The following POLR1E variants were observed in gnomAD, a reference collection of about 807,000 sequenced individuals.
POLR1E encodes the protein DNA-directed RNA polymerase I subunit RPA49.
POLR1E carries 37 observed loss-of-function variants against 50.9 expected under a neutral mutation model. That is an observed-to-expected ratio of 0.73 (90% CI 0.56 to 0.96). The LOEUF (loss-of-function observed/expected upper bound fraction) is 0.96, where lower values mean the gene tolerates loss of function less well. POLR1E is among the 40% of genes least tolerant of loss of function. The probability of loss-of-function intolerance (pLI) is 0.00; values close to 1 mark genes in which losing one functional copy is unlikely to be tolerated. For synonymous variants in POLR1E, 166 were observed against 191.6 expected (o/e 0.87, Z 1.10); for missense variants, 426 against 518.1 (o/e 0.82, Z 1.73).
chr9:37,495,921 G>A lies in POLR1E; in HGVS notation c.687G>A (p.Gln229=), dbSNP rs776072238. The change falls in exon 8 of 12, where the codon CAG becomes CAA. Residue 229 remains glutamine, a synonymous_variant. Coordinates refer to ENST00000377798, the MANE Select transcript of POLR1E (RefSeq NM_022490.4). ...LLSPAEYEAL[Q]SPSEAFRNVT... ...CCCCTGCGGAGTATGAAGCTCTTCA[G>A]AGCCCATCTGAAGCTTTCAGGAACG... is the stretch of plus-strand genomic sequence containing the variant. 6.2e-7 allele frequency: 1 copy of A among 1,614,038 alleles called. No individual in the cohort carries two copies. Among genetic ancestry groups the A allele is most frequent in the Non-Finnish European group, 8.5e-7 (1 of 1,179,926 alleles).
At chr9:37,490,964 G>C in intron 4 of POLR1E, 1 of 308,518 alleles carries the variant, frequency 3.2e-6, no homozygotes, top group Non-Finnish European at 6.2e-6. Flanking sequence ...TGTTATAGTT[G>C]GGGTAAAGAG....
chr9:37,500,469 G>A (rs1325700203), intron 9 of POLR1E, among the ~76,000 whole-genome samples: 2 of 152,210 alleles, frequency 1.3e-5, no homozygotes, highest in Non-Finnish European at 2.9e-5. Flanking sequence ...ACAGGCGTGA[G>A]CCACCGCGCC....
At chr9:37,489,560 A>G (rs1820643503) in intron 4 of POLR1E, among the ~76,000 whole-genome samples, 160 bp downstream of exon 4, 1 of 151,986 alleles carries the variant, frequency 6.6e-6, no homozygotes, top group African/African-American at 2.4e-5. Context: ...GGTTTTTTAT[A>G]TACACACTGT....
chr9:37,490,191 G>A (rs1469645077), intron 4 of POLR1E, among the ~76,000 whole-genome samples: 4 of 151,844 alleles, frequency 2.6e-5, no homozygotes, highest in African/African-American at 4.8e-5. Flanking sequence ...TATTTCATAC[G>A]TAATACCTGG....
intron 4 of POLR1E, chr9:37,492,197 T>A: frequency 8.3e-7 from 1 of 1,210,446 alleles, no homozygotes; most frequent in South Asian, 1.3e-5. Context: ...GTGTACTAAG[T>A]TATACTGCCC....
intron 9 of POLR1E, 145 bp downstream of exon 9, chr9:37,498,369 G>A: frequency 3.2e-6 from 3 of 940,010 alleles, no homozygotes; most frequent in Non-Finnish European, 4.6e-6. Flanking sequence ...TGGTACTGCT[G>A]ACATGTCGAG....
intron 4 of POLR1E, chr9:37,492,314 G>C (rs1375388232): frequency 1.5e-6 from 2 of 1,302,110 alleles, no homozygotes; most frequent in East Asian, 1.1e-4. Context: ...TTATTTTCTG[G>C]AAAGAGCCAA....
chr9:37,492,744 C>T (rs1820708042), intron 5 of POLR1E, 29 bp downstream of exon 5: 29 of 1,603,114 alleles, frequency 1.8e-5, no homozygotes, highest in Non-Finnish European at 2.4e-5. Flanking sequence ...AGATGTGGGA[C>T]CTTAAGCAAG....
intron 6 of POLR1E, 21 bp downstream of exon 6, chr9:37,493,724 C>G (rs1004862572): frequency 1.3e-6 from 2 of 1,487,216 alleles, no homozygotes; most frequent in African/African-American, 2.8e-5. Flanking sequence ...GGAACTTGGG[C>G]TAAGAGTCTG....
intron 7 of POLR1E, 42 bp from the exon 8 acceptor site, chr9:37,495,848 T>G: frequency 7.1e-7 from 1 of 1,402,180 alleles, no homozygotes; most frequent in Non-Finnish European, 1.0e-6. Flanking sequence ...GCTAGTTGGA[T>G]GTTTCTATTT....
At chr9:37,486,842 A>C in intron 2 of POLR1E, 36 bp downstream of exon 2, 1 of 1,573,084 alleles carries the variant, frequency 6.4e-7, no homozygotes, top group Non-Finnish European at 8.6e-7. Flanking sequence ...TCCACTCTGC[A>C]GGGCTCAGAA....
intron 7 of POLR1E, 108 bp from the exon 8 acceptor site, chr9:37,495,782 T>C (rs2119010140): frequency 1.3e-6 from 1 of 773,320 alleles, no homozygotes; most frequent in Non-Finnish European, 2.3e-6. Flanking sequence ...GTGTGATCTT[T>C]GGCTCTCTGA....
In POLR1E at chr9:37,500,873, A is replaced by T. The variant is rs763142273; in HGVS notation, c.920A>T (p.Asn307Ile). ...ALGPGVPHII[N>I]TKLLKHFTCL... ...GGACCTGGAGTTCCCCACATCATCA[A>T]CACCAAACTGCTGAAGCACTTTACT... is the stretch of plus-strand genomic sequence containing the variant. The change falls in exon 10 of 12, where the codon AAC (asparagine) becomes ATC (isoleucine). Residue 307 changes from asparagine (N) to isoleucine (I), a missense_variant. Coordinates refer to ENST00000377798, the MANE Select transcript of POLR1E (RefSeq NM_022490.4). The T allele has an allele frequency of 1.9e-6, 3 of 1,614,032 alleles. No homozygotes were observed. The highest frequency in any genetic ancestry group is 2.5e-6 in the Non-Finnish European group (3 of 1,179,920).
chr9:37,489,984 G>GT (rs1820651179), intron 4 of POLR1E, among the ~76,000 whole-genome samples: 12 of 152,012 alleles, frequency 7.9e-5, no homozygotes, highest in Admixed American at 7.2e-4. Context: ...TCCCCATAGT[G>GT]TTTAGAGACT....
At chr9:37,494,477 A>G (rs1367739089) in intron 6 of POLR1E, among the ~76,000 whole-genome samples, 1 of 152,190 alleles carries the variant, frequency 6.6e-6, no homozygotes, top group Non-Finnish European at 1.5e-5. Context: ...TTGCTCTATC[A>G]CCCAGACTAG....
intron 10 of POLR1E, among the ~76,000 whole-genome samples, chr9:37,501,186 A>C (rs1226534459): frequency 1.3e-5 from 2 of 152,202 alleles, no homozygotes; most frequent in African/African-American, 4.8e-5. Context: ...TACTTCACAT[A>C]CTTTTGAATA....
intron 3 of POLR1E, among the ~76,000 whole-genome samples, chr9:37,489,009 G>A (rs1468912528): frequency 2.0e-5 from 3 of 152,046 alleles, no homozygotes; most frequent in Non-Finnish European, 4.4e-5. Context: ...GAGGCTGATA[G>A]GGTCAGATCA....
intron 1 of POLR1E, 131 bp from the exon 2 acceptor site, chr9:37,486,572 T>G (rs1820580827): frequency 6.2e-7 from 1 of 1,606,002 alleles, no homozygotes; most frequent in Non-Finnish European, 8.5e-7. Flanking sequence ...TCCCTTTGGG[T>G]CAGGACCCGA....
chr9:37,492,557 T>G, intron 4 of POLR1E, 100 bp from the exon 5 acceptor site: 2 of 1,159,284 alleles, frequency 1.7e-6, no homozygotes, highest in East Asian at 5.1e-5. Context: ...AGTAAAGAAA[T>G]CTATTATTCT....
Sources: allele counts gnomAD v4.1 joint callset (sites outside exome capture counted in the v4.1 genomes callset), GRCh38; gene constraint gnomAD v4.1.1; transcripts MANE v1.5; gene names NCBI Gene and HGNC (gene_info 2026-07-23, HGNC 2026-07-21).